Variants in PLEKHG4B observed in about 807,000 individuals in gnomAD.
The protein encoded by PLEKHG4B is pleckstrin homology and RhoGEF domain containing G4B.
A neutral mutation model predicts 121.3 loss-of-function variants in PLEKHG4B; 111 were observed. The ratio of observed to expected loss-of-function variants is 0.92; its 90% CI spans 0.78 to 1.07. The LOEUF (loss-of-function observed/expected upper bound fraction) is 1.07, where lower values mean the gene tolerates loss of function less well. Ranked by LOEUF, PLEKHG4B falls within the 50% of genes least tolerant of loss-of-function variation. PLEKHG4B has a pLI of 0.00. For synonymous variants in PLEKHG4B, 738 were observed against 725.0 expected, an observed-to-expected ratio of 1.02 and a Z score of -0.29; for missense variants, 1,831 against 1,757.8, an observed-to-expected ratio of 1.04 and a Z score of -0.74.
chr5:142,498 TCA>T (rs763750296), intron 3 of PLEKHG4B, among the ~76,000 whole-genome samples: 5 of 150,390 alleles, frequency 3.3e-5, no homozygotes, highest in African/African-American at 4.9e-5. Flanking sequence ...ACACACGCAG[TCA>T]CACCACACGC....
rs1734003089 is a variant in PLEKHG4B, at chr5:107,245, G to A, written c.46-6006G>A. ...CAGTCACAGCCCCTGGGGCTCACTG[G>A]ACAGGGCCTACTTGATGTTTGCTGT... On this transcript the variant is annotated intron_variant, in intron 1 of 19. Coordinates refer to ENST00000637938, the MANE Select transcript of PLEKHG4B (RefSeq NM_052909.5). Among the ~76,000 whole-genome samples the A allele has an allele frequency of 2.6e-5, 4 of 152,196 alleles. No individual in the cohort carries two copies. The South Asian group carries it at 8.3e-4, about 31-fold the overall frequency.
intron 6 of PLEKHG4B, among the ~76,000 whole-genome samples, chr5:148,125 T>C (rs1266266108): frequency 6.6e-6 from 1 of 151,980 alleles, no homozygotes; most frequent in Non-Finnish European, 1.5e-5. Flanking sequence ...AATATCATAC[T>C]CAATGGCAAA....
At chr5:105,712 A>G (rs1351405332) in intron 1 of PLEKHG4B, among the ~76,000 whole-genome samples, 1 of 152,180 alleles carries the variant, frequency 6.6e-6, no homozygotes, top group Non-Finnish European at 1.5e-5. Flanking sequence ...ACAAGAATGC[A>G]TTTTTCCCTT....
rs749836720 is a variant in PLEKHG4B, at chr5:156,122, G to A, written c.2260G>A (p.Glu754Lys). The change falls in exon 10 of 20, where the codon GAA becomes AAA. Residue 754 changes from glutamate (E) to lysine (K), a missense_variant. Coordinates refer to ENST00000637938, the MANE Select transcript of PLEKHG4B (RefSeq NM_052909.5). This position sits in a 1 kb window ranked among gnomAD's most constrained non-coding sequence, Gnocchi z 4.4. ...QHETMMKLVL[E>K]DPLLVSLRLE... Reference sequence around the variant, plus strand: ...TGAGACGATGATGAAGCTTGTCCTGGAAGACCCACTGCTTGTGTCTCTCAG... The same window carrying A: ...TGAGACGATGATGAAGCTTGTCCTGAAAGACCCACTGCTTGTGTCTCTCAG... 1.2e-6 allele frequency: 2 copies of A among 1,600,074 alleles called. No individual in the cohort carries two copies. Among genetic ancestry groups the A allele is most frequent in the South Asian group, 1.1e-5 (1 of 89,174 alleles).
At chr5:116,204 G>C (rs889845033) in intron 2 of PLEKHG4B, among the ~76,000 whole-genome samples, 2 of 152,192 alleles carry the variant, frequency 1.3e-5, no homozygotes, top group Non-Finnish European at 2.9e-5. Context: ...CCCAAGGAAA[G>C]GGAGAGAGAT....
Position 172,984 on chromosome 5 carries a change from C to G in PLEKHG4B, c.4138C>G (p.Leu1380Val). ...GRKKYLRHVF[L>V]FEDLILFSKT... Reference sequence around the variant, plus strand: ...GAAGAAGTATCTGAGGCATGTGTTCCTCTTTGAAGACCTCATCCTGTTTAG... The same window carrying G: ...GAAGAAGTATCTGAGGCATGTGTTCGTCTTTGAAGACCTCATCCTGTTTAG... Residue 1380 changes from leucine (L) to valine (V), a missense_variant, in exon 17 of 20, where the codon CTC (leucine) becomes GTC (valine). Physicochemically the swap from Leu to Val is conservative, Grantham distance 32 (BLOSUM62 1). Transcript: ENST00000637938. The G allele has an allele frequency of 6.2e-7, 1 of 1,614,114 alleles. No individual in the cohort carries two copies. The highest frequency in any genetic ancestry group is 8.5e-7 in the Non-Finnish European group (1 of 1,180,012).
At chr5:133,912 T>A (rs1734848617) in intron 2 of PLEKHG4B, among the ~76,000 whole-genome samples, 1 of 118,130 alleles carries the variant, frequency 8.5e-6, no homozygotes, top group African/African-American at 4.9e-5. Flanking sequence ...AAAGAAAATG[T>A]GACACACACG....
intron 3 of PLEKHG4B, 66 bp downstream of exon 3, chr5:140,782 C>T: frequency 2.2e-6 from 3 of 1,345,400 alleles, no homozygotes; most frequent in Non-Finnish European, 2.9e-6. Context: ...CACAATCTCC[C>T]CCTGCACACC....
rs1484934890 is a variant in PLEKHG4B, at chr5:189,467, T to A, written c.*7144T>A. 6.6e-6 allele frequency: 1 copy of A among 152,298 alleles called. No individual in the cohort carries two copies. The highest frequency in any genetic ancestry group is 1.5e-5 in the Non-Finnish European group (1 of 68,108). 9.4% of individuals were successfully genotyped at this position (152,298 alleles called of 1,614,324 possible). On this transcript the variant is annotated 3_prime_UTR_variant, in exon 20 of 20. Transcript: ENST00000637938. Reference sequence around the variant, plus strand: ...GCCATCTCTGCACAGAACTGGAATCTCGGTTCATTTCGGTTTCAGCAGGTC... The same window carrying A: ...GCCATCTCTGCACAGAACTGGAATCACGGTTCATTTCGGTTTCAGCAGGTC...
rs12656466 is a variant in PLEKHG4B, at chr5:129,345, G to A, written c.244-10138G>A. On this transcript the variant is annotated intron_variant, in intron 2 of 19. Transcript: ENST00000637938. ...AACTGGAGTGTTTCTTTCTGCTGAC[G>A]TCAGTTCTTTAGGCAGAGCTTACCT... is the stretch of plus-strand genomic sequence containing the variant. 2.6e-3 allele frequency among the ~76,000 whole-genome samples: 391 copies of A among 152,208 alleles called. 9 individuals carry two copies. In the East Asian group the frequency reaches 0.066, roughly 26 times the overall value.
chr5:135,682 A>AAAAAAT (rs1553985215), intron 2 of PLEKHG4B, among the ~76,000 whole-genome samples: 11 of 19,612 alleles, frequency 5.6e-4, no homozygotes, highest in Admixed American at 1.1e-3. Context: ...AAAAAAAAAA[A>AAAAAAT]ATATATATAT....
intron 16 of PLEKHG4B, 129 bp from the exon 17 acceptor site, chr5:172,768 G>C (rs1736607258): frequency 2.9e-6 from 3 of 1,042,676 alleles, no homozygotes; most frequent in Non-Finnish European, 4.4e-6. Context: ...GGATTTGCCA[G>C]ATTTTATGGC....
intron 7 of PLEKHG4B, among the ~76,000 whole-genome samples, chr5:151,924 G>A (rs1735616868): frequency 1.3e-5 from 2 of 152,188 alleles, no homozygotes; most frequent in South Asian, 4.1e-4. Flanking sequence ...TCTGGTTTGA[G>A]AGGAGTTCTC....
At chr5:148,515 TAACC>T (rs899568948) in intron 6 of PLEKHG4B, among the ~76,000 whole-genome samples, 3 of 152,066 alleles carry the variant, frequency 2.0e-5, no homozygotes, top group African/African-American at 7.2e-5. Flanking sequence ...ACTTAGGAAT[TAACC>T]AAAGAAGTGA....
chr5:186,493 G>T lies in PLEKHG4B; in HGVS notation c.*4170G>T, dbSNP rs112845493. The T allele has an allele frequency of 6.6e-6, 1 of 152,298 alleles. No homozygotes were observed. Among genetic ancestry groups the T allele is most frequent in the Non-Finnish European group, 1.5e-5 (1 of 68,086 alleles). The allele number at this position is 152,298 out of a possible 1,614,324, so 9.4% of individuals were successfully genotyped here. A position where few individuals can be genotyped will look rare whatever the true frequency, so the allele number is the denominator to read the frequency against. On this transcript the variant is annotated 3_prime_UTR_variant, in exon 20 of 20. Transcript: ENST00000637938. ...CCCTCAGGGTCACTCACCCCGCCACGTGAGGCCACTTCCGCCCAGCACTGG... is the reference window on the plus strand; with the variant it reads ...CCCTCAGGGTCACTCACCCCGCCACTTGAGGCCACTTCCGCCCAGCACTGG...
intron 18 of PLEKHG4B, among the ~76,000 whole-genome samples, chr5:178,381 T>C (rs1236857447): frequency 6.6e-6 from 1 of 152,242 alleles, no homozygotes; most frequent in Non-Finnish European, 1.5e-5. Flanking sequence ...GCTTCGATTA[T>C]TTGAAATGTT....
chr5:114,499 C>T (rs1247195325), intron 2 of PLEKHG4B, among the ~76,000 whole-genome samples: 1 of 152,056 alleles, frequency 6.6e-6, no homozygotes, highest in Admixed American at 6.6e-5. Context: ...GCTCTGTCAC[C>T]CAGGCTGGAG....
At position 170,226 on chromosome 5, in the gene PLEKHG4B, C is replaced by T. The variant is rs530543648; in HGVS notation, c.3729+634C>T. Among the ~76,000 whole-genome samples, 4 of 152,286 alleles carry T rather than the reference C, an allele frequency of 2.6e-5. No homozygotes were observed. In the East Asian group the frequency reaches 7.7e-4, roughly 29 times the overall value. On this transcript the variant is annotated intron_variant, in intron 14 of 19. Coordinates refer to ENST00000637938, the MANE Select transcript of PLEKHG4B (RefSeq NM_052909.5). The stretch of plus-strand genomic sequence containing the variant: ...GCTGTGGGCAGATGGGATGTATGTC[C>T]CAGACCACTGAGCACAGATTATCAC...
Position 173,049 on chromosome 5 carries a change from G to A in PLEKHG4B, c.4203G>A (p.Leu1401=). Reference sequence around the variant, plus strand: ...TGGAGGGCAGCCACGACGTCTACCTGTACAAGCAGTCCTTCAAGGTAGCAC... The same window carrying A: ...TGGAGGGCAGCCACGACGTCTACCTATACAAGCAGTCCTTCAAGGTAGCAC... ...QKVEGSHDVY[L]YKQSFKTAEI... is the part of the protein sequence containing the mutation. The change falls in exon 17 of 20, where the codon CTG becomes CTA. Residue 1401 remains leucine, a synonymous_variant. Transcript: ENST00000637938. 1 of 1,614,106 alleles carries A rather than the reference G, an allele frequency of 6.2e-7. No individual in the cohort carries two copies. Among genetic ancestry groups the A allele is most frequent in the Non-Finnish European group, 8.5e-7 (1 of 1,179,994 alleles).
Sources: allele counts gnomAD v4.1 joint callset (sites outside exome capture counted in the v4.1 genomes callset), GRCh38; gene constraint gnomAD v4.1.1; non-coding constraint Gnocchi (gnomAD v3.1); transcripts MANE v1.5; gene names NCBI Gene and HGNC (gene_info 2026-07-23, HGNC 2026-07-21).